Variants in SND1 observed in about 807,000 individuals in gnomAD.
SND1 encodes staphylococcal nuclease domain-containing protein 1.
SND1 carries 38 observed loss-of-function variants against 121.7 expected under a neutral mutation model. The observed-to-expected ratio is 0.31, with a 90% confidence interval of 0.24 to 0.41. SND1 has a LOEUF of 0.41. SND1 is among the 10% of genes least tolerant of loss of function. The probability of loss-of-function intolerance (pLI) is 1.00; values close to 1 mark genes in which losing one functional copy is unlikely to be tolerated. For missense variants in SND1, 868 were observed against 1,184.6 expected (o/e 0.73, Z 3.92); for synonymous variants, 401 against 447.4 (o/e 0.90, Z 1.31).
intron 16 of SND1, among the ~76,000 whole-genome samples, chr7:128,012,091 G>A (rs1803128871): frequency 6.6e-6 from 1 of 152,200 alleles, no homozygotes; most frequent in Non-Finnish European, 1.5e-5. Flanking sequence ...AGTTAGTTTA[G>A]GGGATTAAAT....
At chr7:128,001,186 T>G (rs1411702961) in intron 16 of SND1, among the ~76,000 whole-genome samples, 1 of 152,230 alleles carries the variant, frequency 6.6e-6, no homozygotes, top group African/African-American at 2.4e-5. Context: ...GAAATAAGAT[T>G]ATGAGCAAGC....
intron 3 of SND1, among the ~76,000 whole-genome samples, chr7:127,695,317 T>C (rs1289097510): frequency 6.6e-6 from 1 of 152,202 alleles, no homozygotes; most frequent in African/African-American, 2.4e-5. Context: ...TTTATCTATC[T>C]TGTGGCTTTT....
At position 127,865,462 on chromosome 7, in the gene SND1, T is replaced by C. The variant is rs564450336; in HGVS notation, c.1343+21038T>C. Among the ~76,000 whole-genome samples, 4 of 152,364 alleles carry C rather than the reference T, an allele frequency of 2.6e-5. No homozygotes were observed. The East Asian group carries it at 7.7e-4, about 29-fold the overall frequency. ...CAGAAATGAAATGAGAAGCAGGAAC[T>C]GGATGTGTTCTTTGTAAGTGCCATA... is the stretch of plus-strand genomic sequence containing the variant. On this transcript the variant is annotated intron_variant, in intron 12 of 23. Coordinates refer to ENST00000354725, the MANE Select transcript of SND1 (RefSeq NM_014390.4).
chr7:127,970,879 G>C (rs1412054023), intron 15 of SND1, among the ~76,000 whole-genome samples: 1 of 152,106 alleles, frequency 6.6e-6, no homozygotes, highest in Non-Finnish European at 1.5e-5. Context: ...GGAGGCCTGG[G>C]TGAGAGGATC....
At chr7:127,822,815 AT>A (rs1798574500) in intron 11 of SND1, among the ~76,000 whole-genome samples, 3 of 152,242 alleles carry the variant, frequency 2.0e-5, no homozygotes, top group African/African-American at 7.2e-5. Context: ...TTATCATTTA[AT>A]ATCATTGAAT....
intron 11 of SND1, among the ~76,000 whole-genome samples, chr7:127,830,608 A>C (rs1408890856): frequency 6.6e-6 from 1 of 151,934 alleles, no homozygotes; most frequent in Non-Finnish European, 1.5e-5. Context: ...TCTCTTAATG[A>C]TCCTCCTCAT....
At chr7:128,089,422 G>T in intron 21 of SND1, 67 bp from the exon 22 acceptor site, 1 of 1,466,852 alleles carries the variant, frequency 6.8e-7, no homozygotes, top group South Asian at 1.3e-5. Flanking sequence ...GGGAGTCTAT[G>T]GACAGGAGCT....
chr7:127,755,076 T>C (rs1797170226), intron 10 of SND1, among the ~76,000 whole-genome samples: 1 of 152,334 alleles, frequency 6.6e-6, no homozygotes, highest in East Asian at 1.9e-4. Flanking sequence ...ATTTGGCATA[T>C]GATCTTCCAC....
chr7:127,768,426 A>G (rs992328987), intron 10 of SND1, among the ~76,000 whole-genome samples: 4 of 152,192 alleles, frequency 2.6e-5, no homozygotes, highest in Non-Finnish European at 5.9e-5. Context: ...TAAGTTCATA[A>G]TTTCCATTTA....
At chr7:127,842,566 A>G (rs1334777641) in intron 11 of SND1, among the ~76,000 whole-genome samples, 1 of 152,144 alleles carries the variant, frequency 6.6e-6, no homozygotes, top group Non-Finnish European at 1.5e-5. Flanking sequence ...TTAACTCTCA[A>G]GTATGTTGGT....
chr7:127,742,697 G>A (rs1483775728), intron 10 of SND1, among the ~76,000 whole-genome samples: 2 of 152,098 alleles, frequency 1.3e-5, no homozygotes, highest in African/African-American at 4.8e-5. Flanking sequence ...TAAAAGTTTA[G>A]TTCATCGGGT....
chr7:127,815,502 GA>G (rs1159130692), intron 11 of SND1, among the ~76,000 whole-genome samples: 1 of 151,944 alleles, frequency 6.6e-6, no homozygotes, highest in Non-Finnish European at 1.5e-5. Context: ...GAAGAAGAAG[GA>G]GGAGGAGGAG....
At chr7:127,895,643 T>G (rs1477020739) in intron 13 of SND1, among the ~76,000 whole-genome samples, 3 of 152,040 alleles carry the variant, frequency 2.0e-5, no homozygotes, top group Non-Finnish European at 4.4e-5. Flanking sequence ...AACAGGAAAA[T>G]GCATTAAAAG....
chr7:127,960,564 G>C (rs1296194262), intron 15 of SND1, among the ~76,000 whole-genome samples: 1 of 152,214 alleles, frequency 6.6e-6, no homozygotes, highest in African/African-American at 2.4e-5. Context: ...GTTAAGTAAT[G>C]ATGAATAATT....
At chr7:127,835,561 G>A (rs1008830257) in intron 11 of SND1, among the ~76,000 whole-genome samples, 1 of 151,794 alleles carries the variant, frequency 6.6e-6, no homozygotes, top group Non-Finnish European at 1.5e-5. Flanking sequence ...TAGTGCCTCT[G>A]AAACCTTTTG....
Position 127,652,435 on chromosome 7 carries a change from G to C in SND1, c.62G>C (p.Arg21Pro). ...GGACCCGCGGTCCCCACCGTGCAGCGGGGCATCATCAAGATGGTGAGAACG... is the reference window on the plus strand; with the variant it reads ...GGACCCGCGGTCCCCACCGTGCAGCCGGGCATCATCAAGATGGTGAGAACG... ...SGGPAVPTVQRGIIKMVLSGC... is the reference protein window; with the variant it reads ...SGGPAVPTVQPGIIKMVLSGC... The change falls in exon 1 of 24, where the codon CGG (arginine) becomes CCG (proline). Residue 21 changes from arginine to proline, a missense_variant. Coordinates refer to ENST00000354725, the MANE Select transcript of SND1 (RefSeq NM_014390.4). The C allele has an allele frequency of 6.4e-7, 1 of 1,572,602 alleles. No homozygotes were observed. The highest frequency in any genetic ancestry group is 8.6e-7 in the Non-Finnish European group (1 of 1,156,870).
chr7:127,841,285 T>A (rs985752751), intron 11 of SND1, among the ~76,000 whole-genome samples: 1 of 151,824 alleles, frequency 6.6e-6, no homozygotes, highest in African/African-American at 2.4e-5. Context: ...TTTTAAGCAG[T>A]GCTGATTTTT....
intron 15 of SND1, among the ~76,000 whole-genome samples, chr7:127,949,491 T>G (rs1339111236): frequency 6.6e-6 from 1 of 152,210 alleles, no homozygotes; most frequent in East Asian, 1.9e-4. Context: ...AATTCAAAAC[T>G]GAATCACTCT....
At chr7:127,770,153 C>A (rs1037997984) in intron 10 of SND1, among the ~76,000 whole-genome samples, 1 of 152,170 alleles carries the variant, frequency 6.6e-6, no homozygotes, top group Non-Finnish European at 1.5e-5. Context: ...TGTGTGCACT[C>A]ATTGCTTAGA....
Sources: gnomAD v4.1 joint callset for allele counts (sites outside exome capture counted in the v4.1 genomes callset) on GRCh38, gnomAD v4.1.1 for gene constraint, MANE v1.5 for transcripts, NCBI Gene and HGNC (gene_info 2026-07-23, HGNC 2026-07-21) for gene names.